The following SLC35F1 variants were observed in gnomAD, a reference collection of about 807,000 sequenced individuals.
The protein encoded by SLC35F1 is chromosome 6 open reading frame 169.
SLC35F1 carries 14 observed loss-of-function variants against 48.7 expected under a neutral mutation model. The observed-to-expected ratio is 0.29, with a 90% CI of 0.19 to 0.45. The LOEUF (loss-of-function observed/expected upper bound fraction) is 0.45, where lower values mean the gene tolerates loss of function less well. SLC35F1 is among the 20% of genes least tolerant of loss of function. The pLI is 1.00. For missense variants in SLC35F1, 404 were observed against 500.0 expected, an observed-to-expected ratio of 0.81 and a Z score of 1.83; for synonymous variants, 190 against 202.2, an observed-to-expected ratio of 0.94 and a Z score of 0.51.
intron 5 of SLC35F1, 66 bp downstream of exon 5, chr6:118,275,681 G>C: frequency 6.6e-7 from 1 of 1,505,822 alleles, no homozygotes; most frequent in Non-Finnish European, 9.0e-7. Context: ...TACAATTTTT[G>C]TTCTTGGGAT....
At chr6:118,257,041 C>T (rs1456427012) in intron 3 of SLC35F1, among the ~76,000 whole-genome samples, 2 of 152,152 alleles carry the variant, frequency 1.3e-5, no homozygotes, top group Non-Finnish European at 2.9e-5. Context: ...ACATGTATGT[C>T]ATCTAAAGCA....
At chr6:118,015,300 C>G (rs909281550) in intron 1 of SLC35F1, among the ~76,000 whole-genome samples, 1 of 151,930 alleles carries the variant, frequency 6.6e-6, no homozygotes, top group Non-Finnish European at 1.5e-5. Context: ...TGTTTTTTAA[C>G]TTTTATTTTA....
chr6:118,099,120 T>C (rs901052323), intron 1 of SLC35F1, among the ~76,000 whole-genome samples: 2 of 152,178 alleles, frequency 1.3e-5, no homozygotes, highest in South Asian at 2.1e-4. Flanking sequence ...CTGGAAAGAA[T>C]TGTGACATTT....
At chr6:118,168,797 A>G (rs1326087011) in intron 2 of SLC35F1, among the ~76,000 whole-genome samples, 1 of 152,204 alleles carries the variant, frequency 6.6e-6, no homozygotes, top group Non-Finnish European at 1.5e-5. Flanking sequence ...AACTCTTTTG[A>G]AATTTCTAAC....
At chr6:117,915,812 A>G (rs542221832) in intron 1 of SLC35F1, among the ~76,000 whole-genome samples, 1 of 152,306 alleles carries the variant, frequency 6.6e-6, no homozygotes, top group South Asian at 2.1e-4. Flanking sequence ...GGGATCAGTT[A>G]GGAGGCTACT....
At chr6:118,023,192 T>G (rs1777419868) in intron 1 of SLC35F1, among the ~76,000 whole-genome samples, 1 of 152,190 alleles carries the variant, frequency 6.6e-6, no homozygotes, top group Non-Finnish European at 1.5e-5. Context: ...GGTGGAGATT[T>G]CTGAAGATCA....
intron 2 of SLC35F1, among the ~76,000 whole-genome samples, chr6:118,230,191 T>A (rs1194498346): frequency 7.2e-5 from 11 of 152,016 alleles, no homozygotes; most frequent in Non-Finnish European, 1.3e-4. Context: ...AATACAAAAA[T>A]TAGCTGGGCA....
At chr6:117,985,220 A>T (rs9489291) in intron 1 of SLC35F1, among the ~76,000 whole-genome samples, 2,174 of 152,318 alleles carry the variant, frequency 0.014, 35 homozygotes, top group African/African-American at 0.046. Flanking sequence ...GAGCAAACTG[A>T]TGTGAGTATA....
At chr6:118,182,687 G>T (rs1774599884) in intron 2 of SLC35F1, among the ~76,000 whole-genome samples, 1 of 152,038 alleles carries the variant, frequency 6.6e-6, no homozygotes, top group African/African-American at 2.4e-5. Context: ...TGGCCAACAT[G>T]ATGAGACCTC....
chr6:117,953,460 T>C (rs1351526777), intron 1 of SLC35F1, among the ~76,000 whole-genome samples: 2 of 152,198 alleles, frequency 1.3e-5, no homozygotes, highest in Non-Finnish European at 2.9e-5. Flanking sequence ...AACTCTTCCA[T>C]AGTTCTTTCT....
At chr6:118,135,604 C>T (rs1773782581) in intron 1 of SLC35F1, among the ~76,000 whole-genome samples, 1 of 152,202 alleles carries the variant, frequency 6.6e-6, no homozygotes, top group Non-Finnish European at 1.5e-5. Flanking sequence ...ACTCCACAGT[C>T]CAGTTGGATC....
Position 118,119,495 on chromosome 6 carries a change from C to CCG in SLC35F1, c.174-34949_174-34948insGC, listed in dbSNP as rs1554228992. Among the ~76,000 whole-genome samples, 12 of 9,484 alleles carry CCG rather than the reference C, an allele frequency of 1.3e-3. 1 individual carries two copies. The highest frequency in any genetic ancestry group is 2.0e-3 in the African/African-American group (12 of 6,004). The allele number at this position is 9,484 out of a possible 152,430, so 6.2% of individuals were successfully genotyped here. A position where few individuals can be genotyped will look rare whatever the true frequency, so the allele number is the denominator to read the frequency against. ...TTACATGATGCAGTAATAACCGGCG[C>CCG]CCCCCCTCCACCCCGCTTTTTTTTT... On this transcript the variant is annotated intron_variant, in intron 1 of 7. Transcript: ENST00000360388.
At position 118,140,160 on chromosome 6, in the gene SLC35F1, C is replaced by T. The variant is rs112571689; in HGVS notation, c.174-14285C>T. On this transcript the variant is annotated intron_variant, in intron 1 of 7. Transcript: ENST00000360388. The stretch of plus-strand genomic sequence containing the variant: ...GCCTTTACTAGGTGAGACAGATGAG[C>T]AAGGTGCATTGAGTCAAAGATCTGA... 8.3e-3 allele frequency among the ~76,000 whole-genome samples: 1,265 copies of T among 152,248 alleles called. 22 individuals are homozygous for T. Among genetic ancestry groups the T allele is most frequent in the African/African-American group, 0.029 (1,211 of 41,546 alleles).
At chr6:118,107,302 T>A (rs765104775) in intron 1 of SLC35F1, among the ~76,000 whole-genome samples, 2 of 152,202 alleles carry the variant, frequency 1.3e-5, no homozygotes, top group Non-Finnish European at 2.9e-5. Context: ...ATAACCCTTA[T>A]CAGTTACTGC....
chr6:118,119,500 C>CG (rs1554229009), intron 1 of SLC35F1, among the ~76,000 whole-genome samples: 1 of 80,398 alleles, frequency 1.2e-5, no homozygotes, highest in Non-Finnish European at 2.3e-5. Context: ...CGGCGCCCCC[C>CG]CTCCACCCCG....
In SLC35F1 at chr6:118,117,484, A is replaced by T. The variant is rs559080947; in HGVS notation, c.174-36961A>T. 3.0e-4 allele frequency among the ~76,000 whole-genome samples: 45 copies of T among 152,336 alleles called. 2 individuals carry two copies. Among genetic ancestry groups the T allele is most frequent in the Admixed American group, 2.7e-3 (42 of 15,300 alleles). ...CTGGGAGTAGTCTTCTGAAATTATCAGAGTTGATTTTTCTTGGGTCAATAA... is the reference window on the plus strand; with the variant it reads ...CTGGGAGTAGTCTTCTGAAATTATCTGAGTTGATTTTTCTTGGGTCAATAA... On this transcript the variant is annotated intron_variant, in intron 1 of 7. Coordinates refer to ENST00000360388, the MANE Select transcript of SLC35F1 (RefSeq NM_001029858.4).
At chr6:118,294,950 T>C (rs1776165743) in intron 7 of SLC35F1, among the ~76,000 whole-genome samples, 1 of 152,218 alleles carries the variant, frequency 6.6e-6, no homozygotes, top group South Asian at 2.1e-4. Flanking sequence ...CTGTGTGTCT[T>C]AGTCTCATAT....
chr6:117,918,392 G>A (rs1775854275), intron 1 of SLC35F1, among the ~76,000 whole-genome samples: 1 of 152,118 alleles, frequency 6.6e-6, no homozygotes, highest in Non-Finnish European at 1.5e-5. Context: ...CTAGGACACT[G>A]TCCATAGTAC....
intron 1 of SLC35F1, among the ~76,000 whole-genome samples, chr6:118,077,889 C>A (rs1184979034): frequency 2.0e-5 from 3 of 152,188 alleles, no homozygotes; most frequent in Admixed American, 2.0e-4. Flanking sequence ...ACATTTTTCA[C>A]CTAGTCTGGC....
Sources: allele counts gnomAD v4.1 joint callset (sites outside exome capture counted in the v4.1 genomes callset), GRCh38; gene constraint gnomAD v4.1.1; transcripts MANE v1.5; gene names NCBI Gene and HGNC (gene_info 2026-07-23, HGNC 2026-07-21).